The following OAS2 variants were observed in gnomAD, a reference collection of about 807,000 sequenced individuals.
OAS2 encodes the protein 2'-5'-oligoadenylate synthase 2.
In OAS2, 67 loss-of-function variants were observed where a neutral mutation model predicts 71.3. The ratio of observed to expected loss-of-function variants is 0.94; its 90% CI spans 0.77 to 1.15. The LOEUF (loss-of-function observed/expected upper bound fraction) is 1.15. OAS2 is among the 50% of genes most tolerant of loss of function. The pLI, the probability that OAS2 is intolerant of heterozygous loss-of-function variation, is 0.00. For missense variants in OAS2, 789 were observed against 822.5 expected (o/e 0.96, Z 0.50); for synonymous variants, 327 against 321.8 (o/e 1.02, Z -0.17).
In OAS2 at chr12:113,002,953, C is replaced by T. The variant is rs202215696; in HGVS notation, c.1030C>T (p.Pro344Ser). The change falls in exon 6 of 10, where the codon CCA becomes TCA. Residue 344 changes from proline (P) to serine (S), a missense_variant. Pro to Ser is a moderately conservative substitution (Grantham distance 74). Transcript: ENST00000392583. ...NVLPAPLFTTPGHLLDKFIKE... is the reference protein window; with the variant it reads ...NVLPAPLFTTSGHLLDKFIKE... ...CCAGCCTGCACCACTCTTCACGACC[C>T]CAGGCCACCTTCTGGATAAGTTCAT... The T allele has an allele frequency of 9.3e-6, 15 of 1,613,934 alleles. No individual in the cohort carries two copies. The highest frequency in any genetic ancestry group is 2.7e-5 in the African/African-American group (2 of 74,914).
chr12:112,997,721 AG>A lies in OAS2; in HGVS notation c.831del (p.Asn278ThrfsTer13). ...VNYNFEDETI[R>X]NILLHQLQSA... ...CTACAACTTTGAAGATGAGACCATC[AG>A]GAACATCCTGCTGCACCAGCTCCAA... On this transcript the variant is annotated frameshift_variant, in exon 4 of 10. Coordinates refer to ENST00000392583, the MANE Select transcript of OAS2 (RefSeq NM_002535.3). LOFTEE classifies it high-confidence loss of function. 2 of 1,609,724 alleles carry A rather than the reference AG, an allele frequency of 1.2e-6. No individual in the cohort carries two copies. Among genetic ancestry groups the A allele is most frequent in the Non-Finnish European group, 1.7e-6 (2 of 1,177,332 alleles).
chr12:113,000,833 A>G (rs929748098), intron 5 of OAS2, among the ~76,000 whole-genome samples: 2 of 152,234 alleles, frequency 1.3e-5, no homozygotes, highest in Non-Finnish European at 2.9e-5. Context: ...TATTCCTTCA[A>G]TAGGCACCGT....
chr12:112,978,759 T>C lies in OAS2; in HGVS notation c.151T>C (p.Phe51Leu). The change falls in exon 1 of 10, where the codon TTC becomes CTC. Residue 51 changes from phenylalanine (F) to leucine (L), a missense_variant. Coordinates refer to ENST00000392583, the MANE Select transcript of OAS2 (RefSeq NM_002535.3). The surrounding 1 kb of genome is among the most constrained non-coding windows in gnomAD (Gnocchi z 4.2). The stretch of plus-strand genomic sequence containing the variant: ...TGACGTCCTGCAGGAACCCGAACAG[T>C]TCCCCCTGGTGCAGGGAGTGGCCAT... ...ICDVLQEPEQFPLVQGVAIGG... is the reference protein window; with the variant it reads ...ICDVLQEPEQLPLVQGVAIGG... 6.2e-7 allele frequency: 1 copy of C among 1,613,812 alleles called. No individual in the cohort carries two copies.
At position 113,010,653 on chromosome 12, in the gene OAS2, C is replaced by T; in HGVS notation, c.*1398C>T. On this transcript the variant is annotated 3_prime_UTR_variant, in exon 10 of 10. Coordinates refer to ENST00000392583, the MANE Select transcript of OAS2 (RefSeq NM_002535.3). ...AAAGTCTTGCCTTGCTGAACTCCCT[C>T]TCTGCAGGCAGCCTGCCTTTAAAAA... The T allele has an allele frequency of 1.1e-6, 1 of 935,846 alleles. No homozygotes were observed. Among genetic ancestry groups the T allele is most frequent in the Non-Finnish European group, 1.4e-6 (1 of 691,064 alleles). 58.0% of individuals were successfully genotyped at this position (935,846 alleles called of 1,614,324 possible).
At chr12:113,005,836 A>G (rs1251989848) in intron 7 of OAS2, among the ~76,000 whole-genome samples, 1 of 144,634 alleles carries the variant, frequency 6.9e-6, no homozygotes, top group Non-Finnish European at 1.5e-5. Context: ...GGCTGCAGTG[A>G]GCTGTGATCA....
chr12:113,005,903 A>AACAACAAC (rs2044328056), intron 7 of OAS2, among the ~76,000 whole-genome samples: 2 of 46,628 alleles, frequency 4.3e-5, no homozygotes, highest in South Asian at 1.1e-3. Context: ...AAAAAGCAAA[A>AACAACAAC]AACAACAACA....
chr12:112,989,218 A>C (rs1413396434), intron 2 of OAS2, among the ~76,000 whole-genome samples: 2 of 152,164 alleles, frequency 1.3e-5, no homozygotes, highest in Non-Finnish European at 2.9e-5. Context: ...CATAAAGGGG[A>C]GTTCCCCTGC....
chr12:113,009,722 A>C lies in OAS2; in HGVS notation c.*467A>C. The C allele has an allele frequency of 1.0e-6, 1 of 987,140 alleles. No homozygotes were observed. Among genetic ancestry groups the C allele is most frequent in the Non-Finnish European group, 1.2e-6 (1 of 831,232 alleles). 61.1% of individuals were successfully genotyped at this position (987,140 alleles called of 1,614,324 possible). ...ACACAGTGATTTTATTAGAAGTTTC[A>C]TCCGCAAATTTTCTTCCATTTCATT... On this transcript the variant is annotated 3_prime_UTR_variant, in exon 10 of 10. Transcript: ENST00000392583.
In OAS2 at chr12:113,009,800, C is replaced by T. The variant is rs2044364541; in HGVS notation, c.*545C>T. 2.0e-6 allele frequency: 2 copies of T among 986,816 alleles called. No individual in the cohort carries two copies. The highest frequency in any genetic ancestry group is 2.4e-6 in the Non-Finnish European group (2 of 831,154). 61.1% of individuals were successfully genotyped at this position (986,816 alleles called of 1,614,324 possible). On this transcript the variant is annotated 3_prime_UTR_variant, in exon 10 of 10. Transcript: ENST00000392583. ...AACTTGAAGGTGGCTACAAAGATGA[C>T]TGTGGACGTGGGTTGCACTGGCCAC... is the stretch of plus-strand genomic sequence containing the variant.
At chr12:112,981,678 A>G (rs146034290) in intron 1 of OAS2, among the ~76,000 whole-genome samples, 228 of 151,940 alleles carry the variant, frequency 1.5e-3, no homozygotes, top group African/African-American at 5.3e-3. Flanking sequence ...TTTCCTCAGT[A>G]CTATTTGGCT....
At chr12:112,985,184 G>A (rs1278398020) in intron 1 of OAS2, among the ~76,000 whole-genome samples, 1 of 152,006 alleles carries the variant, frequency 6.6e-6, no homozygotes, top group Non-Finnish European at 1.5e-5. Flanking sequence ...GTATCTGGGT[G>A]TCTAAATCTC....
At chr12:113,002,068 G>A (rs1256228998) in intron 5 of OAS2, among the ~76,000 whole-genome samples, 1 of 151,964 alleles carries the variant, frequency 6.6e-6, no homozygotes, top group African/African-American at 2.4e-5. Context: ...TGGGTTGGAA[G>A]GCTACCTGTT....
chr12:112,988,717 C>T lies in OAS2; in HGVS notation c.448+1409C>T, dbSNP rs115427371. The T allele has an allele frequency of 3.1e-3, 3,072 of 985,412 alleles. 81 individuals carry two copies. In the African/African-American group the frequency reaches 0.049, roughly 16 times the overall value. The allele number at this position is 985,412 out of a possible 1,614,324, so 61.0% of individuals were successfully genotyped here. Reference sequence around the variant, plus strand: ...AATTTCTTATCAACGAAGACACTAACAAAGAATGGCGCATTCCTCCTTCTC... The same window carrying T: ...AATTTCTTATCAACGAAGACACTAATAAAGAATGGCGCATTCCTCCTTCTC... On this transcript the variant is annotated intron_variant, in intron 2 of 9. Transcript: ENST00000392583.
At chr12:112,993,936 T>C (rs2044212938) in intron 2 of OAS2, among the ~76,000 whole-genome samples, 1 of 134,404 alleles carries the variant, frequency 7.4e-6, no homozygotes, top group African/African-American at 3.0e-5. Context: ...TTTGTTTTTG[T>C]TTCTATTTGT....
At chr12:112,993,918 AT>A (rs1444527908) in intron 2 of OAS2, among the ~76,000 whole-genome samples, 1 of 148,858 alleles carries the variant, frequency 6.7e-6, no homozygotes, top group Non-Finnish European at 1.5e-5. Flanking sequence ...CCTATAGACC[AT>A]TTTTTGTTTG....
intron 2 of OAS2, 148 bp from the exon 3 acceptor site, chr12:112,995,146 CTA>C (rs777839010): frequency 2.5e-5 from 16 of 637,996 alleles, no homozygotes; most frequent in Non-Finnish European, 3.2e-5. Context: ...CCCTTCCCTA[CTA>C]TGTTTTATGT....
At chr12:112,987,689 G>T in intron 2 of OAS2, 1 of 1,072,286 alleles carries the variant, frequency 9.3e-7, no homozygotes, top group Non-Finnish European at 1.1e-6. Flanking sequence ...CGCAGATCAT[G>T]CTTGCAGGTT....
chr12:112,982,285 C>A (rs914554276), intron 1 of OAS2, among the ~76,000 whole-genome samples: 2 of 152,022 alleles, frequency 1.3e-5, no homozygotes, highest in Admixed American at 1.3e-4. Context: ...TTTCCCAATT[C>A]AGTATGATGT....
chr12:112,980,650 G>A (rs1263147886), intron 1 of OAS2, among the ~76,000 whole-genome samples: 4 of 152,176 alleles, frequency 2.6e-5, no homozygotes, highest in Admixed American at 6.5e-5. Flanking sequence ...TGATGGATAC[G>A]TTGGTTGATT....
Sources: allele counts gnomAD v4.1 joint callset (sites outside exome capture counted in the v4.1 genomes callset), GRCh38; gene constraint gnomAD v4.1.1; non-coding constraint Gnocchi (gnomAD v3.1); transcripts MANE v1.5; gene names NCBI Gene and HGNC (gene_info 2026-07-23, HGNC 2026-07-21).